RGMA: variants seen among roughly 807,000 people sequenced by gnomAD.
RGMA encodes the protein repulsive guidance molecule A.
Under a neutral mutation model 23.2 loss-of-function variants are expected in RGMA, and 10 were observed. The observed-to-expected ratio is 0.43, with a 90% CI of 0.27 to 0.73. The LOEUF (loss-of-function observed/expected upper bound fraction) is 0.73. RGMA is among the 30% of genes least tolerant of loss of function. The probability of loss-of-function intolerance (pLI) is 0.20; values close to 1 mark genes in which losing one functional copy is unlikely to be tolerated. For synonymous variants in RGMA, 308 were observed against 279.3 expected, an observed-to-expected ratio of 1.10 and a Z score of -1.03; for missense variants, 547 against 630.5, an observed-to-expected ratio of 0.87 and a Z score of 1.42.
chr15:93,060,487 A>C (rs1322841910), intron 2 of RGMA, among the ~76,000 whole-genome samples: 1 of 152,192 alleles, frequency 6.6e-6, no homozygotes, highest in Non-Finnish European at 1.5e-5. Flanking sequence ...GACTCAGCTT[A>C]AGCGGTGATG....
intron 1 of RGMA, among the ~76,000 whole-genome samples, chr15:93,083,920 C>A (rs959377037): frequency 6.6e-6 from 1 of 152,088 alleles, no homozygotes; most frequent in Admixed American, 6.6e-5. Flanking sequence ...TGGGAGCCCA[C>A]CTAGGAAAAT....
chr15:93,050,943 G>C (rs961763942), intron 3 of RGMA, among the ~76,000 whole-genome samples: 2 of 152,212 alleles, frequency 1.3e-5, no homozygotes. Flanking sequence ...GGCCGTGGGG[G>C]AGGTGGCTGG....
rs1273546200 is a variant in RGMA, at chr15:93,043,429, A to G, written c.*1569T>C. ...TCTAAAAGAAAATAACAAAAAAACC[A>G]AACTTTACTTGCATTTAGCCATTAA... On this transcript the variant is annotated 3_prime_UTR_variant, in exon 4 of 4. Coordinates refer to ENST00000329082, the MANE Select transcript of RGMA (RefSeq NM_020211.3). The G allele has an allele frequency of 6.6e-6, 1 of 152,504 alleles. No homozygotes were observed. The highest frequency in any genetic ancestry group is 1.5e-5 in the Non-Finnish European group (1 of 68,034). 9.4% of individuals were successfully genotyped at this position (152,504 alleles called of 1,614,324 possible).
At chr15:93,049,350 T>C (rs1002057329) in intron 3 of RGMA, among the ~76,000 whole-genome samples, 37 of 152,044 alleles carry the variant, frequency 2.4e-4, no homozygotes, top group African/African-American at 8.7e-4. Context: ...GGCTGGCAAG[T>C]GCTATGGGGA....
intron 2 of RGMA, among the ~76,000 whole-genome samples, chr15:93,064,409 C>T (rs568139319): frequency 5.9e-5 from 9 of 152,358 alleles, no homozygotes; most frequent in African/African-American, 2.2e-4. Context: ...CTGGCGCTGC[C>T]TCTAGTGACC....
rs2054733488 is a variant in RGMA, at chr15:93,042,226, G to C, written c.*2772C>G. 6.6e-6 allele frequency: 1 copy of C among 152,286 alleles called. No homozygotes were observed. Among genetic ancestry groups the C allele is most frequent in the South Asian group, 2.1e-4 (1 of 4,834 alleles). 9.4% of individuals were successfully genotyped at this position (152,286 alleles called of 1,614,324 possible). ...CCTTCCTGGTCTGCCTGGGATTAAT[G>C]AACTTGGCCACTCTTGGGACTCCTC... On this transcript the variant is annotated 3_prime_UTR_variant, in exon 4 of 4. Transcript: ENST00000329082.
intron 1 of RGMA, among the ~76,000 whole-genome samples, chr15:93,084,462 TTTTG>T (rs1250933302): frequency 2.7e-5 from 4 of 149,724 alleles, no homozygotes; most frequent in Non-Finnish European, 5.9e-5. Flanking sequence ...GTCAAGGTTT[TTTTG>T]TTTTTTTGTT....
Position 93,084,457 on chromosome 15 carries a change from GGTTTTTTT to G in RGMA, c.14+4454_14+4461del, listed in dbSNP as rs140315152. Among the ~76,000 whole-genome samples the G allele has an allele frequency of 7.8e-3, 1,187 of 152,190 alleles. 19 individuals carry two copies. The highest frequency in any genetic ancestry group is 0.027 in the African/African-American group (1,131 of 41,488). ...AGCACCTCAAACGATCAGATGTCAA[GGTTTTTTT>G]GTTTTTTTGTTTTTTGTTTTTTTTT... On this transcript the variant is annotated intron_variant, in intron 1 of 3. Transcript: ENST00000329082.
Position 93,044,936 on chromosome 15 carries a change from C to A in RGMA, c.*62G>T. On this transcript the variant is annotated 3_prime_UTR_variant, in exon 4 of 4. Coordinates refer to ENST00000329082, the MANE Select transcript of RGMA (RefSeq NM_020211.3). ...AGGAGATCTGCACCCCGTGGGCGGT[C>A]CCAGCCCACACATGGGGAAGCCGAG... The A allele has an allele frequency of 7.1e-7, 1 of 1,404,446 alleles. No homozygotes were observed. The highest frequency in any genetic ancestry group is 1.4e-5 in the South Asian group (1 of 73,654). 87.0% of individuals were successfully genotyped at this position (1,404,446 alleles called of 1,614,324 possible).
chr15:93,065,777 TG>T, intron 2 of RGMA: 2 of 1,086,166 alleles, frequency 1.8e-6, no homozygotes, highest in Non-Finnish European at 2.8e-6. Context: ...CCACCTTCCG[TG>T]GTAGGCTGGC....
intron 2 of RGMA, among the ~76,000 whole-genome samples, chr15:93,057,160 GT>G (rs2055027738): frequency 6.6e-6 from 1 of 152,184 alleles, no homozygotes; most frequent in East Asian, 1.9e-4. Context: ...TCAGTCAATG[GT>G]CATGACTGTC....
In RGMA at chr15:93,042,859, G is replaced by A. The variant is rs2054741980; in HGVS notation, c.*2139C>T. On this transcript the variant is annotated 3_prime_UTR_variant, in exon 4 of 4. Transcript: ENST00000329082. The stretch of plus-strand genomic sequence containing the variant: ...GGCTATGAGAAGATGGGCACTGGCA[G>A]GGAGGGTGGCAGGCAGTCCCAACAG... The A allele has an allele frequency of 6.7e-6, 1 of 149,830 alleles. No individual in the cohort carries two copies. The highest frequency in any genetic ancestry group is 1.5e-5 in the Non-Finnish European group (1 of 68,134). The allele number at this position is 149,830 out of a possible 1,614,324, so 9.3% of individuals were successfully genotyped here.
At chr15:93,066,000 T>C (rs2141831852) in intron 2 of RGMA, 2 of 1,301,720 alleles carry the variant, frequency 1.5e-6, no homozygotes, top group Non-Finnish European at 2.2e-6. Flanking sequence ...CTTTGGCCCG[T>C]TCCCCTTCTC....
chr15:93,065,913 G>A, intron 2 of RGMA: 1 of 719,942 alleles, frequency 1.4e-6, no homozygotes, highest in Non-Finnish European at 2.5e-6. Flanking sequence ...GCTGGCTGGG[G>A]GGCCGAGGGA....
intron 1 of RGMA, among the ~76,000 whole-genome samples, chr15:93,076,714 C>T (rs1350220187): frequency 6.6e-6 from 1 of 152,152 alleles, no homozygotes; most frequent in Non-Finnish European, 1.5e-5. Flanking sequence ...CTATTACCAT[C>T]CTCATTTTGC....
chr15:93,088,385 T>G, intron 1 of RGMA: 1 of 985,484 alleles, frequency 1.0e-6, no homozygotes, highest in African/African-American at 1.7e-5. Context: ...CGGCCCTCAA[T>G]CCAAGGTCCG....
Position 93,035,547 on chromosome 15 carries a change from C to T in RGMA, c.*9451G>A, listed in dbSNP as rs1023523448. 5.9e-5 allele frequency: 9 copies of T among 152,144 alleles called. No individual in the cohort carries two copies. Among genetic ancestry groups the T allele is most frequent in the African/African-American group, 9.7e-5 (4 of 41,396 alleles). 9.4% of individuals were successfully genotyped at this position (152,144 alleles called of 1,614,324 possible). A position where few individuals can be genotyped will look rare whatever the true frequency, so the allele number is the denominator to read the frequency against. Reference sequence around the variant, plus strand: ...TGGAGGCCGTGGGGCATGAAGACCACGATCAGACAGGAAGGGCAATCAGAT... The same window carrying T: ...TGGAGGCCGTGGGGCATGAAGACCATGATCAGACAGGAAGGGCAATCAGAT... On this transcript the variant is annotated 3_prime_UTR_variant, in exon 4 of 4. Transcript: ENST00000329082.
rs1895689705 is a variant in RGMA at position 93,088,985 on chromosome 15, G to A, written c.-53C>T. Reference sequence around the variant, plus strand: ...GCTGGCGGGGCTGCGGGAGAAGAGGGGGTGTCGGGGCGCCGCTCGTCTGCC... The same window carrying A: ...GCTGGCGGGGCTGCGGGAGAAGAGGAGGTGTCGGGGCGCCGCTCGTCTGCC... On this transcript the variant is annotated 5_prime_UTR_variant, in exon 1 of 4. Coordinates refer to ENST00000329082, the MANE Select transcript of RGMA (RefSeq NM_020211.3). 28 of 1,267,370 alleles carry A rather than the reference G, an allele frequency of 2.2e-5. 2 individuals are homozygous for A. In the South Asian group the frequency reaches 4.8e-4, roughly 22 times the overall value. 78.5% of individuals were successfully genotyped at this position (1,267,370 alleles called of 1,614,324 possible).
At position 93,044,157 on chromosome 15, in the gene RGMA, A is replaced by C. The variant is rs2054772537; in HGVS notation, c.*841T>G. On this transcript the variant is annotated 3_prime_UTR_variant, in exon 4 of 4. Coordinates refer to ENST00000329082, the MANE Select transcript of RGMA (RefSeq NM_020211.3). Reference sequence around the variant, plus strand: ...GGCCCCATCCACTGGGTCTCCTGCCACACCCTGGGGCCCAGGCACCCCTGC... The same window carrying C: ...GGCCCCATCCACTGGGTCTCCTGCCCCACCCTGGGGCCCAGGCACCCCTGC... 1 of 152,340 alleles carries C rather than the reference A, an allele frequency of 6.6e-6. No homozygotes were observed. The highest frequency in any genetic ancestry group is 1.5e-5 in the Non-Finnish European group (1 of 68,124). 9.4% of individuals were successfully genotyped at this position (152,340 alleles called of 1,614,324 possible).
Sources: gnomAD v4.1 joint callset for allele counts (sites outside exome capture counted in the v4.1 genomes callset) on GRCh38, gnomAD v4.1.1 for gene constraint, MANE v1.5 for transcripts, NCBI Gene and HGNC (gene_info 2026-07-23, HGNC 2026-07-21) for gene names.